The following GRID2 variants were observed in gnomAD, a reference collection of about 807,000 sequenced individuals.
GRID2 encodes glutamate receptor ionotropic, delta-2.
A neutral mutation model predicts 114.8 loss-of-function variants in GRID2; 33 were observed. That is an observed-to-expected ratio of 0.29 (90% CI 0.22 to 0.38). GRID2 has a LOEUF of 0.38. Ranked by LOEUF, GRID2 falls within the 10% of genes least tolerant of loss-of-function variation. GRID2 has a pLI of 1.00. For synonymous variants in GRID2, 505 were observed against 449.9 expected, an observed-to-expected ratio of 1.12 and a Z score of -1.55; for missense variants, 1,184 against 1,257.7, an observed-to-expected ratio of 0.94 and a Z score of 0.89.
chr4:93,168,416 C>A (rs1738467512), intron 4 of GRID2, among the ~76,000 whole-genome samples: 1 of 152,068 alleles, frequency 6.6e-6, no homozygotes, highest in African/African-American at 2.4e-5. Flanking sequence ...ATACGTCTTA[C>A]TTCAAGAAAG....
Position 93,395,672 on chromosome 4 carries a change from C to T in GRID2, c.1311C>T (p.Asn437=). 6.3e-7 allele frequency: 1 copy of T among 1,577,800 alleles called. No homozygotes were observed. Among genetic ancestry groups the T allele is most frequent in the East Asian group, 2.2e-5 (1 of 44,644 alleles). The part of the protein sequence containing the change: ...GSLTDKKLEN[N]MRGVVLRVVT... The stretch of plus-strand genomic sequence containing the variant: ...TGACTGACAAGAAATTGGAGAATAA[C>T]ATGCGTGGAGTGGTTCTACGTGTAG... The change falls in exon 9 of 16, where the codon AAC becomes AAT. Residue 437 remains asparagine (N), a synonymous_variant. Coordinates refer to ENST00000282020, the MANE Select transcript of GRID2 (RefSeq NM_001510.4).
chr4:93,379,803 A>G (rs1161707738), intron 8 of GRID2, among the ~76,000 whole-genome samples: 2 of 152,118 alleles, frequency 1.3e-5, no homozygotes, highest in Non-Finnish European at 1.5e-5. Flanking sequence ...TGAGAGATGC[A>G]AACTCAACAA....
At chr4:93,390,361 A>G (rs1764734781) in intron 8 of GRID2, among the ~76,000 whole-genome samples, 1 of 152,244 alleles carries the variant, frequency 6.6e-6, no homozygotes, top group African/African-American at 2.4e-5. Flanking sequence ...CTGAGCAAGG[A>G]ACAAAAGAAT....
chr4:92,458,627 T>C (rs767319851), intron 1 of GRID2, among the ~76,000 whole-genome samples: 8 of 152,200 alleles, frequency 5.3e-5, no homozygotes, highest in Admixed American at 2.0e-4. Flanking sequence ...CTAGATTAAA[T>C]CACTTCTGGG....
intron 1 of GRID2, among the ~76,000 whole-genome samples, chr4:93,786,970 A>T (rs1258400601): frequency 6.6e-6 from 1 of 152,088 alleles, no homozygotes; most frequent in Non-Finnish European, 1.5e-5. Flanking sequence ...GTATAGTGAG[A>T]GGCCATTTTG....
At chr4:93,662,265 G>T (rs1255733055) in intron 14 of GRID2, among the ~76,000 whole-genome samples, 1 of 152,008 alleles carries the variant, frequency 6.6e-6, no homozygotes, top group African/African-American at 2.4e-5. Flanking sequence ...GCCAACTCTG[G>T]TTCTCTTCAT....
chr4:92,403,616 C>T (rs1304716417), intron 1 of GRID2, among the ~76,000 whole-genome samples: 4 of 151,686 alleles, frequency 2.6e-5, no homozygotes, highest in African/African-American at 7.3e-5. Context: ...CGCTTGAACC[C>T]GGGAGGCAGA....
intron 4 of GRID2, among the ~76,000 whole-genome samples, chr4:93,188,367 C>G (rs972733090): frequency 1.3e-4 from 20 of 152,152 alleles, no homozygotes; most frequent in African/African-American, 4.8e-4. Flanking sequence ...GTACCTGGGC[C>G]CACATGAGCA....
At chr4:92,760,035 T>C (rs1490883931) in intron 2 of GRID2, among the ~76,000 whole-genome samples, 1 of 149,788 alleles carries the variant, frequency 6.7e-6, no homozygotes, top group Non-Finnish European at 1.5e-5. Context: ...AGGTCAGGAG[T>C]TCGAGACCAG....
At chr4:93,623,895 A>G (rs1271346818) in intron 13 of GRID2, among the ~76,000 whole-genome samples, 2 of 152,146 alleles carry the variant, frequency 1.3e-5, no homozygotes, top group Admixed American at 6.5e-5. Context: ...AGGTTCTAAA[A>G]TAACCTTCAG....
At chr4:92,444,597 A>C (rs878906160) in intron 1 of GRID2, among the ~76,000 whole-genome samples, 10 of 152,066 alleles carry the variant, frequency 6.6e-5, no homozygotes, top group Admixed American at 1.3e-4. Context: ...GCCATCTGGG[A>C]GTATAGGTGC....
intron 1 of GRID2, among the ~76,000 whole-genome samples, chr4:92,410,239 A>G (rs1731231364): frequency 6.6e-6 from 1 of 152,096 alleles, no homozygotes; most frequent in Non-Finnish European, 1.5e-5. Context: ...ATATGGGCAC[A>G]TGTTTTCATT....
intron 12 of GRID2, among the ~76,000 whole-genome samples, chr4:93,499,547 C>T (rs1047469728): frequency 4.6e-5 from 7 of 151,830 alleles, no homozygotes; most frequent in Non-Finnish European, 8.8e-5. Context: ...TGGAGCTTTA[C>T]ATGCTCTTCT....
intron 14 of GRID2, among the ~76,000 whole-genome samples, chr4:93,709,017 C>G (rs1443564512): frequency 6.6e-6 from 1 of 152,036 alleles, no homozygotes; most frequent in Non-Finnish European, 1.5e-5. Context: ...TTTAAGCTTT[C>G]AGTAGTTTCC....
At chr4:92,997,681 T>C (rs1384172514) in intron 2 of GRID2, among the ~76,000 whole-genome samples, 4 of 152,118 alleles carry the variant, frequency 2.6e-5, no homozygotes, top group African/African-American at 4.8e-5. Flanking sequence ...GAGAAAATAA[T>C]TTTATCGCTC....
chr4:92,677,983 T>C (rs1052514658), intron 2 of GRID2, among the ~76,000 whole-genome samples: 4 of 152,098 alleles, frequency 2.6e-5, no homozygotes, highest in African/African-American at 9.7e-5. Context: ...ACTCCACCCA[T>C]GCCACATTGA....
At chr4:93,576,918 A>G (rs1440703911) in intron 13 of GRID2, among the ~76,000 whole-genome samples, 1 of 152,218 alleles carries the variant, frequency 6.6e-6, no homozygotes, top group East Asian at 1.9e-4. Flanking sequence ...AAATGGAAGG[A>G]TGAAAAAGAA....
chr4:93,657,216 T>C (rs2149731178), intron 14 of GRID2, among the ~76,000 whole-genome samples: 1 of 152,318 alleles, frequency 6.6e-6, no homozygotes, highest in South Asian at 2.1e-4. Context: ...TCTTTATAAA[T>C]CTCTGCTTCT....
At chr4:93,512,439 T>G (rs540683119) in intron 12 of GRID2, among the ~76,000 whole-genome samples, 1 of 152,336 alleles carries the variant, frequency 6.6e-6, no homozygotes, top group African/African-American at 2.4e-5. Flanking sequence ...GCTCCTGAAA[T>G]GGCCTTTTCA....
Sources: allele counts gnomAD v4.1 joint callset (sites outside exome capture counted in the v4.1 genomes callset), GRCh38; gene constraint gnomAD v4.1.1; transcripts MANE v1.5; gene names NCBI Gene and HGNC (gene_info 2026-07-23, HGNC 2026-07-21).